The following CDH5 variants were observed in gnomAD, a reference collection of about 807,000 sequenced individuals.
The protein encoded by CDH5 is cadherin 5.
A neutral mutation model predicts 62.0 loss-of-function variants in CDH5; 28 were observed. The observed-to-expected ratio is 0.45, with a 90% CI of 0.33 to 0.62. CDH5 has a LOEUF of 0.62. Among genes scored for constraint, CDH5 ranks in the 20% least tolerant of loss-of-function variants. The probability of loss-of-function intolerance (pLI) is 0.02; values close to 1 mark genes in which losing one functional copy is unlikely to be tolerated. For synonymous variants in CDH5, 464 were observed against 445.8 expected (o/e 1.04, Z -0.52); for missense variants, 940 against 1,065.1 (o/e 0.88, Z 1.63).
At chr16:66,384,253 ATT>A (rs60072358) in intron 2 of CDH5, among the ~76,000 whole-genome samples, 42 of 143,342 alleles carry the variant, frequency 2.9e-4, no homozygotes, top group African/African-American at 4.1e-4. Context: ...CACCCAGCTA[ATT>A]TTTTTTTTTT....
At chr16:66,383,231 C>A (rs1391729111) in intron 2 of CDH5, among the ~76,000 whole-genome samples, 1 of 152,022 alleles carries the variant, frequency 6.6e-6, no homozygotes, top group East Asian at 1.9e-4. Flanking sequence ...TAAAAAAAAA[C>A]TAAGGAACTC....
At position 66,402,706 on chromosome 16, in the gene CDH5, A is replaced by C. The variant is rs760434345; in HGVS notation, c.1892A>C (p.His631Pro). 1 of 1,608,810 alleles carries C rather than the reference A, an allele frequency of 6.2e-7. No homozygotes were observed. The highest frequency in any genetic ancestry group is 8.5e-7 in the Non-Finnish European group (1 of 1,178,932). The change falls in exon 12 of 12, where the codon CAC (histidine) becomes CCC (proline). Residue 631 changes from histidine (H) to proline (P), a missense_variant. Transcript: ENST00000341529. ...CGGCTCCGGAAGCAGGCCCGCGCGC[A>C]CGGCAAGAGCGTGCCGGAGATCCAC... is the stretch of plus-strand genomic sequence containing the variant. Reference protein sequence around the residue: ...RRRLRKQARAHGKSVPEIHEQ... With the variant: ...RRRLRKQARAPGKSVPEIHEQ...
At chr16:66,379,255 C>CT in intron 1 of CDH5, 64 bp from the exon 2 acceptor site, 1 of 1,186,922 alleles carries the variant, frequency 8.4e-7, no homozygotes, top group South Asian at 1.5e-5. Flanking sequence ...TGTGAAATAC[C>CT]TGTGTCTAAG....
At chr16:66,402,067 C>A (rs1961292501) in intron 11 of CDH5, among the ~76,000 whole-genome samples, 1 of 152,132 alleles carries the variant, frequency 6.6e-6, no homozygotes, top group South Asian at 2.1e-4. Context: ...TTGCATTTGA[C>A]CTCACAACCA....
At chr16:66,371,442 T>A (rs1960688157) in intron 1 of CDH5, among the ~76,000 whole-genome samples, 2 of 152,052 alleles carry the variant, frequency 1.3e-5, no homozygotes, top group African/African-American at 4.8e-5. Flanking sequence ...TGCAGGAGGC[T>A]GGGCTGGGAT....
rs1961320056 is a variant in CDH5 at position 66,402,957 on chromosome 16, G to A, written c.2143G>A (p.Glu715Lys). 6.2e-7 allele frequency: 1 copy of A among 1,612,786 alleles called. No individual in the cohort carries two copies. The highest frequency in any genetic ancestry group is 8.5e-7 in the Non-Finnish European group (1 of 1,179,950). ...MAAMIEVKKDEADHDGDGPPY... is the reference protein window; with the variant it reads ...MAAMIEVKKDKADHDGDGPPY... ...AGCCATGATCGAGGTGAAGAAGGAC[G>A]AGGCGGACCACGACGGCGACGGCCC... The change falls in exon 12 of 12, where the codon GAG (glutamate) becomes AAG (lysine). Residue 715 changes from glutamate to lysine, a missense_variant. Transcript: ENST00000341529.
intron 10 of CDH5, among the ~76,000 whole-genome samples, chr16:66,398,794 T>G (rs1309867542): frequency 6.6e-6 from 1 of 152,178 alleles, no homozygotes; most frequent in Non-Finnish European, 1.5e-5. Context: ...ATTTGAGTCT[T>G]GAGGCACCAA....
chr16:66,378,820 G>T (rs905458284), intron 1 of CDH5, among the ~76,000 whole-genome samples: 1 of 152,068 alleles, frequency 6.6e-6, no homozygotes. Context: ...GGCATGAAGG[G>T]GGTCTGGTTC....
intron 1 of CDH5, among the ~76,000 whole-genome samples, chr16:66,375,836 G>A (rs572083939): frequency 1.3e-3 from 192 of 151,566 alleles, no homozygotes; most frequent in Non-Finnish European, 2.1e-3. Context: ...CACCGGCTAC[G>A]GTGGCTCACG....
chr16:66,400,391 T>TC (rs1361566411), intron 10 of CDH5, among the ~76,000 whole-genome samples: 1 of 152,222 alleles, frequency 6.6e-6, no homozygotes, highest in Non-Finnish European at 1.5e-5. Context: ...ACTTTATTTT[T>TC]CCCCGCTGCT....
intron 10 of CDH5, among the ~76,000 whole-genome samples, chr16:66,400,275 A>G (rs1961257538): frequency 1.3e-5 from 2 of 152,248 alleles, no homozygotes; most frequent in Admixed American, 6.5e-5. Context: ...CTGTGCCCCA[A>G]GGGACATGTC....
In CDH5 at chr16:66,398,403, C is replaced by A. The variant is rs958582741; in HGVS notation, c.1486-53C>A. ...AAGGCTCCATCGCTAAACCTCAGACCACCCCACCACCCCACCACCATCACT... is the reference window on the plus strand; with the variant it reads ...AAGGCTCCATCGCTAAACCTCAGACAACCCCACCACCCCACCACCATCACT... On this transcript the variant is annotated intron_variant, in intron 9 of 11. Transcript: ENST00000341529. The A allele has an allele frequency of 2.9e-5, 13 of 455,748 alleles. No homozygotes were observed. In the African/African-American group the frequency reaches 8.0e-4, roughly 28 times the overall value. 28.2% of individuals were successfully genotyped at this position (455,748 alleles called of 1,614,324 possible).
At chr16:66,391,634 G>C (rs559881603) in intron 6 of CDH5, among the ~76,000 whole-genome samples, 1 of 152,110 alleles carries the variant, frequency 6.6e-6, no homozygotes, top group Non-Finnish European at 1.5e-5. Flanking sequence ...TTAGCTGGGC[G>C]TGGTGGCAGG....
chr16:66,372,228 C>A (rs1385450237), intron 1 of CDH5, among the ~76,000 whole-genome samples: 3 of 152,240 alleles, frequency 2.0e-5, no homozygotes, highest in Non-Finnish European at 4.4e-5. Context: ...GCATTTTTCA[C>A]CACATGACCG....
intron 2 of CDH5, among the ~76,000 whole-genome samples, chr16:66,385,776 A>T (rs937319120): frequency 1.4e-4 from 21 of 152,372 alleles, no homozygotes; most frequent in African/African-American, 5.0e-4. Context: ...GGAAGCGATG[A>T]ATTCTGAGAA....
intron 1 of CDH5, 141 bp downstream of exon 1, chr16:66,366,899 C>T (rs1425346100): frequency 6.6e-6 from 1 of 152,396 alleles, no homozygotes; most frequent in African/African-American, 2.4e-5. Flanking sequence ...GCACGCTGGG[C>T]CTCCTCGTGG....
intron 8 of CDH5, among the ~76,000 whole-genome samples, chr16:66,396,744 G>A (rs1443011699): frequency 6.6e-6 from 1 of 152,166 alleles, no homozygotes; most frequent in Non-Finnish European, 1.5e-5. Flanking sequence ...GCCAGAGGGA[G>A]GGGCAAGAGT....
At chr16:66,373,407 AT>A (rs34814895) in intron 1 of CDH5, among the ~76,000 whole-genome samples, 50,366 of 133,646 alleles carry the variant, frequency 0.38, 9,477 homozygotes, top group African/African-American at 0.52. Context: ...TGGTTAGCCA[AT>A]TTTTTTTTTT....
Position 66,389,378 on chromosome 16 carries a change from A to G in CDH5, c.637A>G (p.Lys213Glu), listed in dbSNP as rs1254636703. 1 of 1,611,876 alleles carries G rather than the reference A, an allele frequency of 6.2e-7. No individual in the cohort carries two copies. ...TGCAGGACGTATTATCACAATAACG[A>G]AAAGCTTGGACCGAGAGAAGCAGGC... is the stretch of plus-strand genomic sequence containing the variant. ...DNSGRIITIT[K>E]SLDREKQARY... Residue 213 changes from lysine (K) to glutamate (E), a missense_variant, in exon 5 of 12, where the codon AAA becomes GAA. By Grantham distance (56) the Lys-to-Glu change is moderately conservative (BLOSUM62 1). Coordinates refer to ENST00000341529, the MANE Select transcript of CDH5 (RefSeq NM_001795.5).
Sources: allele counts gnomAD v4.1 joint callset (sites outside exome capture counted in the v4.1 genomes callset), GRCh38; gene constraint gnomAD v4.1.1; transcripts MANE v1.5; gene names NCBI Gene and HGNC (gene_info 2026-07-23, HGNC 2026-07-21).